The following FRMPD4 variants were observed in gnomAD, a reference collection of about 807,000 sequenced individuals.
The protein encoded by FRMPD4 is FERM and PDZ domain containing 4, also known as FERM and PDZ domain-containing protein 4.
A neutral mutation model predicts 94.1 loss-of-function variants in FRMPD4; 22 were observed. That is an observed-to-expected ratio of 0.23 (90% CI 0.17 to 0.33). The LOEUF (loss-of-function observed/expected upper bound fraction) is 0.33. Ranked by LOEUF, FRMPD4 falls within the 10% of genes least tolerant of loss-of-function variation. The pLI is 1.00. For missense variants in FRMPD4, 1,111 were observed against 1,339.9 expected, an observed-to-expected ratio of 0.83 and a Z score of 2.67; for synonymous variants, 631 against 548.6, an observed-to-expected ratio of 1.15 and a Z score of -2.10.
rs1171799513 is a variant in FRMPD4, at chrX:12,621,968, GAGAAAGAAAGAAAGAAAGAA to G, written c.422+7118_422+7137del. Among the ~76,000 whole-genome samples, 8 of 41,072 alleles carry G rather than the reference GAGAAAGAAAGAAAGAAAGAA, an allele frequency of 1.9e-4. No homozygotes were observed. The East Asian group carries it at 5.6e-3, about 29-fold the overall frequency. 35.7% of individuals were successfully genotyped at this position (41,072 alleles called of 115,157 possible). On this transcript the variant is annotated intron_variant, in intron 4 of 16. Coordinates refer to ENST00000675598, the MANE Select transcript of FRMPD4 (RefSeq NM_001368397.1). ...AGAGAGAGAGAGAGAAAGAAAGAAA[GAGAAAGAAAGAAAGAAAGAA>G]AGAAAGAAAGAAAGAAAGAAAGAAA...
chrX:12,426,835 G>A lies in FRMPD4; in HGVS notation c.42-71845G>A, dbSNP rs768980808. Among the ~76,000 whole-genome samples the A allele has an allele frequency of 1.7e-4, 18 of 108,194 alleles. No homozygotes were observed. In the South Asian group the frequency reaches 3.7e-3, roughly 22 times the overall value. 94.0% of individuals were successfully genotyped at this position (108,194 alleles called of 115,157 possible). On this transcript the variant is annotated intron_variant, in intron 1 of 16. Coordinates refer to ENST00000675598, the MANE Select transcript of FRMPD4 (RefSeq NM_001368397.1). ...TCAAATCTTGACTTGGAAATAAAAC[G>A]CCCTCCATCTGATCTCTATTTTTTG...
intron 3 of FRMPD4, among the ~76,000 whole-genome samples, chrX:11,965,464 T>G (rs2054305156): frequency 8.9e-6 from 1 of 112,208 alleles, no homozygotes; most frequent in South Asian, 3.7e-4. Flanking sequence ...GACACATCCA[T>G]TTACTATAAC....
chrX:12,313,773 T>C (rs1234588177), intron 1 of FRMPD4, among the ~76,000 whole-genome samples: 1 of 111,819 alleles, frequency 8.9e-6, no homozygotes, highest in African/African-American at 3.3e-5. Context: ...ATAGTTTCAT[T>C]TTTATTGTAT....
intron 3 of FRMPD4, among the ~76,000 whole-genome samples, chrX:11,920,937 G>A (rs767668425): frequency 6.2e-5 from 7 of 112,066 alleles, no homozygotes; most frequent in East Asian, 2.8e-4. Flanking sequence ...ACAATCTGAG[G>A]CATCTGAAAA....
intron 3 of FRMPD4, among the ~76,000 whole-genome samples, chrX:11,959,943 A>G (rs922907949): frequency 9.0e-6 from 1 of 111,564 alleles, no homozygotes; most frequent in Non-Finnish European, 1.9e-5. Context: ...AACAGTGATC[A>G]GTGATGCTAA....
At chrX:12,316,627 C>G (rs1204486592) in intron 1 of FRMPD4, among the ~76,000 whole-genome samples, 1 of 111,485 alleles carries the variant, frequency 9.0e-6, no homozygotes, top group Non-Finnish European at 1.9e-5. Context: ...TCACATTTCC[C>G]TTTTCTTATT....
chrX:11,874,190 A>G (rs1330612644), intron 2 of FRMPD4, among the ~76,000 whole-genome samples: 1 of 112,511 alleles, frequency 8.9e-6, no homozygotes, highest in Non-Finnish European at 1.9e-5. Context: ...TCGCTCTGTT[A>G]CTCAGGCTGG....
At chrX:11,825,402 C>G (rs2053437324) in intron 1 of FRMPD4, among the ~76,000 whole-genome samples, 1 of 110,701 alleles carries the variant, frequency 9.0e-6, no homozygotes, top group African/African-American at 3.3e-5. Flanking sequence ...TGTCATTAAA[C>G]AAGTATGCCT....
At chrX:12,331,996 TTA>T (rs2055418103) in intron 1 of FRMPD4, among the ~76,000 whole-genome samples, 1 of 53,021 alleles carries the variant, frequency 1.9e-5, no homozygotes, top group African/African-American at 8.5e-5. Flanking sequence ...TATATATAAA[TTA>T]TATATATTTA....
intron 15 of FRMPD4, 35 bp from the exon 16 acceptor site, chrX:12,717,466 T>A: frequency 1.1e-6 from 1 of 942,192 alleles, no homozygotes; most frequent in East Asian, 3.1e-5. Flanking sequence ...CTCTGATGCA[T>A]CCATTAATCA....
chrX:12,236,328 G>A lies in FRMPD4; in HGVS notation c.41+97316G>A, dbSNP rs567388479. Among the ~76,000 whole-genome samples, 7 of 111,418 alleles carry A rather than the reference G, an allele frequency of 6.3e-5. No individual in the cohort carries two copies. In the Middle Eastern group the frequency reaches 0.014, roughly 220 times the overall value. On this transcript the variant is annotated intron_variant, in intron 1 of 16. Coordinates refer to ENST00000675598, the MANE Select transcript of FRMPD4 (RefSeq NM_001368397.1). The stretch of plus-strand genomic sequence containing the variant: ...TGAAAACCCTCAAGCATTATAAAAG[G>A]CCAAGTTTGCTCAACAGTTTTATTG...
At chrX:12,143,416 A>G (rs774528597) in intron 1 of FRMPD4, among the ~76,000 whole-genome samples, 2 of 112,946 alleles carry the variant, frequency 1.8e-5, no homozygotes, top group East Asian at 5.5e-4. Flanking sequence ...ATGTCCATTC[A>G]TTTATGTATT....
chrX:12,523,370 A>G (rs2058185249), intron 2 of FRMPD4, among the ~76,000 whole-genome samples: 1 of 111,892 alleles, frequency 8.9e-6, no homozygotes, highest in South Asian at 3.8e-4. Flanking sequence ...TCTCCTTGAC[A>G]CTCATTCTTT....
intron 1 of FRMPD4, among the ~76,000 whole-genome samples, chrX:12,199,257 GTGTGTGTGTGTGTA>G (rs1467633136): frequency 5.2e-4 from 53 of 102,090 alleles, no homozygotes; most frequent in East Asian, 8.9e-4. Flanking sequence ...GTGTGTGTGT[GTGTGTGTGTGTGTA>G]TGTGTGTGTG....
At chrX:12,382,616 T>C (rs758578544) in intron 1 of FRMPD4, among the ~76,000 whole-genome samples, 7 of 108,085 alleles carry the variant, frequency 6.5e-5, no homozygotes, top group Non-Finnish European at 9.4e-5. Context: ...CAAACTTCTG[T>C]GCTGGGTGTT....
At chrX:12,216,206 A>G (rs942520965) in intron 1 of FRMPD4, among the ~76,000 whole-genome samples, 2 of 111,414 alleles carry the variant, frequency 1.8e-5, no homozygotes, top group African/African-American at 6.5e-5. Context: ...GACATCTGGT[A>G]CCTGGACTGA....
At chrX:12,522,594 C>CTTTTTTT (rs373581040) in intron 2 of FRMPD4, among the ~76,000 whole-genome samples, 46 of 74,534 alleles carry the variant, frequency 6.2e-4, no homozygotes, top group African/African-American at 1.1e-3. Context: ...TTTTCTTTTC[C>CTTTTTTT]TTTTTTTTTT....
At chrX:12,705,814 A>G (rs2041865447) in intron 11 of FRMPD4, among the ~76,000 whole-genome samples, 1 of 112,084 alleles carries the variant, frequency 8.9e-6, no homozygotes, top group Non-Finnish European at 1.9e-5. Context: ...CTGTCCTTTA[A>G]AGGTTGTTTT....
At chrX:12,121,026 TTAA>T (rs1029452962) in intron 3 of FRMPD4, among the ~76,000 whole-genome samples, 15 of 108,985 alleles carry the variant, frequency 1.4e-4, no homozygotes, top group African/African-American at 3.6e-4. Context: ...ATACTAAGAC[TTAA>T]TAATACTAAG....
Sources: allele counts gnomAD v4.1 joint callset (sites outside exome capture counted in the v4.1 genomes callset), GRCh38; gene constraint gnomAD v4.1.1; transcripts MANE v1.5; gene names NCBI Gene and HGNC (gene_info 2026-07-23, HGNC 2026-07-21).